Variants in CDH9 observed in about 807,000 individuals in gnomAD.
The protein encoded by CDH9 is cadherin 9.
A neutral mutation model predicts 70.9 loss-of-function variants in CDH9; 28 were observed. The ratio of observed to expected loss-of-function variants is 0.40; its 90% CI spans 0.29 to 0.54. The LOEUF (loss-of-function observed/expected upper bound fraction) is 0.54, where lower values mean the gene tolerates loss of function less well. Among genes scored for constraint, CDH9 ranks in the 20% least tolerant of loss-of-function variants. The pLI, the probability that CDH9 is intolerant of heterozygous loss-of-function variation, is 0.59. For synonymous variants in CDH9, 409 were observed against 343.1 expected (o/e 1.19, Z -2.12); for missense variants, 874 against 984.4 (o/e 0.89, Z 1.50).
intron 2 of CDH9, among the ~76,000 whole-genome samples, chr5:26,960,913 A>G (rs1742024555): frequency 6.6e-6 from 1 of 152,054 alleles, no homozygotes; most frequent in South Asian, 2.1e-4. Context: ...TAACTACTAA[A>G]TCTTTTGTAA....
intron 1 of CDH9, among the ~76,000 whole-genome samples, chr5:27,009,768 G>A (rs138435700): frequency 1.3e-5 from 2 of 152,176 alleles, no homozygotes; most frequent in South Asian, 2.1e-4. Flanking sequence ...TCTTAAAAAC[G>A]AAATGCCTTA....
intron 3 of CDH9, among the ~76,000 whole-genome samples, chr5:26,913,588 G>T (rs1278435485): frequency 6.6e-6 from 1 of 152,014 alleles, no homozygotes; most frequent in African/African-American, 2.4e-5. Flanking sequence ...ATCCGAAGTT[G>T]TACTGCTTAC....
chr5:26,959,186 A>T (rs1361254171), intron 2 of CDH9, among the ~76,000 whole-genome samples: 1 of 152,180 alleles, frequency 6.6e-6, no homozygotes, highest in Non-Finnish European at 1.5e-5. Context: ...TTTTATACAA[A>T]TGAATAAATG....
At chr5:26,905,873 C>A in intron 5 of CDH9, 86 bp downstream of exon 5, 1 of 972,336 alleles carries the variant, frequency 1.0e-6, no homozygotes, top group African/African-American at 1.6e-5. Flanking sequence ...AATAGCAAAA[C>A]TACTAGTATG....
rs1740454855 is a variant in CDH9 at position 26,881,172 on chromosome 5, G to A, written c.2334C>T (p.Ala778=). The A allele has an allele frequency of 6.2e-7, 1 of 1,612,468 alleles. No individual in the cohort carries two copies. The highest frequency in any genetic ancestry group is 8.5e-7 in the Non-Finnish European group (1 of 1,179,178). The stretch of plus-strand genomic sequence containing the variant: ...CACTATCATCACCCCCATACATATC[G>A]GCAAGTTTTTTGAAACGAGGCCCCC... ...SDWGPRFKKL[A]DMYGGDDSDR... is the part of the protein sequence containing the mutation. Residue 778 remains alanine, a synonymous_variant, in exon 12 of 12, where the codon GCC becomes GCT. Coordinates refer to ENST00000231021, the MANE Select transcript of CDH9 (RefSeq NM_016279.4).
intron 3 of CDH9, among the ~76,000 whole-genome samples, chr5:26,911,505 G>GTC: frequency 6.6e-6 from 1 of 152,030 alleles, no homozygotes; most frequent in Non-Finnish European, 1.5e-5. Context: ...TTAGGAAGAG[G>GTC]ACTGGATAGG....
intron 1 of CDH9, among the ~76,000 whole-genome samples, chr5:27,015,924 C>A (rs929702988): frequency 2.0e-5 from 3 of 151,734 alleles, no homozygotes; most frequent in Admixed American, 6.6e-5. Flanking sequence ...TCATCCTAAT[C>A]TAATGAGACA....
intron 1 of CDH9, among the ~76,000 whole-genome samples, chr5:27,006,906 C>T (rs1419635908): frequency 1.3e-5 from 2 of 152,050 alleles, no homozygotes; most frequent in African/African-American, 2.4e-5. Flanking sequence ...GGAGTTTTCA[C>T]TCTAGAAACA....
At chr5:27,026,368 T>C (rs1743221870) in intron 1 of CDH9, among the ~76,000 whole-genome samples, 2 of 151,860 alleles carry the variant, frequency 1.3e-5, no homozygotes, top group Non-Finnish European at 2.9e-5. Context: ...TCACCTGTCA[T>C]TTTTGCTACC....
intron 1 of CDH9, among the ~76,000 whole-genome samples, chr5:27,029,141 AG>A (rs1166408370): frequency 9.2e-5 from 14 of 151,942 alleles, no homozygotes; most frequent in African/African-American, 3.4e-4. Flanking sequence ...TTCTATACGA[AG>A]CTTTTGGAAA....
At chr5:26,896,369 C>T (rs1227365767) in intron 7 of CDH9, among the ~76,000 whole-genome samples, 1 of 151,634 alleles carries the variant, frequency 6.6e-6, no homozygotes, top group Non-Finnish European at 1.5e-5. Flanking sequence ...TTTATATGCA[C>T]ATACACACCA....
intron 1 of CDH9, among the ~76,000 whole-genome samples, chr5:27,011,926 C>T (rs1215116202): frequency 6.6e-6 from 1 of 151,874 alleles, no homozygotes; most frequent in Non-Finnish European, 1.5e-5. Flanking sequence ...TAATAAAACT[C>T]ATGACATTGG....
intron 7 of CDH9, among the ~76,000 whole-genome samples, chr5:26,894,831 G>A (rs1277817346): frequency 6.6e-6 from 1 of 151,962 alleles, no homozygotes; most frequent in Non-Finnish European, 1.5e-5. Flanking sequence ...AAAGGCCATT[G>A]TCATAAGTTT....
At chr5:26,938,484 G>A (rs970290405) in intron 2 of CDH9, among the ~76,000 whole-genome samples, 3 of 151,964 alleles carry the variant, frequency 2.0e-5, no homozygotes, top group African/African-American at 4.8e-5. Context: ...AAAAGCTATA[G>A]TTAAGTAAAT....
intron 2 of CDH9, among the ~76,000 whole-genome samples, chr5:26,983,536 T>C (rs1742436905): frequency 6.6e-6 from 1 of 152,202 alleles, no homozygotes; most frequent in Non-Finnish European, 1.5e-5. Context: ...TTTTATAGAA[T>C]TCAGTGTTAA....
At position 26,915,875 on chromosome 5, in the gene CDH9, G is replaced by A. The variant is rs1160368122; in HGVS notation, c.278C>T (p.Thr93Ile). Residue 93 changes from threonine to isoleucine, a missense_variant, in exon 3 of 12, where the codon ACA becomes ATA. Thr to Ile is a moderately conservative substitution (Grantham distance 89, BLOSUM62 -1). Transcript: ENST00000231021. ...AAATAGACTGCCAGCCCCATCTCCT[G>A]TTAGTATGTATTTTAAATTTCCATC... ...KGDGNLKYIL[T>I]GDGAGSLFVI... The A allele has an allele frequency of 3.7e-6, 6 of 1,611,504 alleles. No homozygotes were observed. Among genetic ancestry groups the A allele is most frequent in the Non-Finnish European group, 4.2e-6 (5 of 1,178,068 alleles).
At position 26,903,661 on chromosome 5, in the gene CDH9, C is replaced by A; in HGVS notation, c.975G>T (p.Gln325His). ...CCTGTTTGACAGTTATAATCCCTTC[C>A]TGTGTATCCTTGTCAGTGATGACAT... Reference protein sequence around the residue: ...MFDVITDKDTQEGIITVKQNL... With the variant: ...MFDVITDKDTHEGIITVKQNL... The change falls in exon 6 of 12, where the codon CAG (glutamine) becomes CAT (histidine). Residue 325 changes from glutamine to histidine, a missense_variant. Physicochemically the swap from Gln to His is conservative, Grantham distance 24. Coordinates refer to ENST00000231021, the MANE Select transcript of CDH9 (RefSeq NM_016279.4). 6.2e-7 allele frequency: 1 copy of A among 1,607,954 alleles called. No homozygotes were observed. The highest frequency in any genetic ancestry group is 1.1e-5 in the South Asian group (1 of 90,966).
At chr5:27,026,835 G>A (rs937742412) in intron 1 of CDH9, among the ~76,000 whole-genome samples, 3 of 151,914 alleles carry the variant, frequency 2.0e-5, no homozygotes, top group African/African-American at 7.2e-5. Context: ...TTTGGTGAAT[G>A]TTACTTGCAA....
intron 2 of CDH9, among the ~76,000 whole-genome samples, chr5:26,966,991 G>A (rs1412776367): frequency 6.6e-6 from 1 of 152,028 alleles, no homozygotes; most frequent in East Asian, 1.9e-4. Context: ...GGAGTGCAGT[G>A]GTGAGATCAC....
Sources: allele counts gnomAD v4.1 joint callset (sites outside exome capture counted in the v4.1 genomes callset), GRCh38; gene constraint gnomAD v4.1.1; transcripts MANE v1.5; gene names NCBI Gene and HGNC (gene_info 2026-07-23, HGNC 2026-07-21).